Variants in IRAK2 observed in about 807,000 individuals in gnomAD.
IRAK2 encodes interleukin 1 receptor associated kinase 2.
In IRAK2, 57 loss-of-function variants were observed where a neutral mutation model predicts 72.0. The observed-to-expected ratio is 0.79, with a 90% CI of 0.64 to 0.99. The LOEUF (loss-of-function observed/expected upper bound fraction) is 0.99. Ranked by LOEUF, IRAK2 falls within the 50% of genes least tolerant of loss-of-function variation. IRAK2 has a pLI of 0.00. For missense variants in IRAK2, 790 were observed against 794.4 expected (o/e 0.99, Z 0.07); for synonymous variants, 293 against 312.7 (o/e 0.94, Z 0.67).
chr3:10,195,984 C>A (rs1697257378), intron 2 of IRAK2, among the ~76,000 whole-genome samples: 1 of 152,170 alleles, frequency 6.6e-6, no homozygotes, highest in Admixed American at 6.5e-5. Context: ...GGGGGGTAGC[C>A]TTCCAAGGGA....
At chr3:10,240,102 G>A (rs1245469132) in intron 12 of IRAK2, among the ~76,000 whole-genome samples, 6 of 146,260 alleles carry the variant, frequency 4.1e-5, no homozygotes, top group Non-Finnish European at 5.9e-5. Flanking sequence ...AGCCGAGGTC[G>A]TGCCATTTCA....
intron 1 of IRAK2, among the ~76,000 whole-genome samples, chr3:10,171,947 G>A (rs1485806773): frequency 6.6e-6 from 1 of 151,518 alleles, no homozygotes; most frequent in Non-Finnish European, 1.5e-5. Context: ...TGCATTTTCA[G>A]TAGAGATGGG....
chr3:10,219,546 C>G, intron 7 of IRAK2, 134 bp from the exon 8 acceptor site: 1 of 647,284 alleles, frequency 1.5e-6, no homozygotes. Flanking sequence ...TCTCGATCTC[C>G]TGAACTAGTG....
intron 8 of IRAK2, among the ~76,000 whole-genome samples, 196 bp downstream of exon 8, chr3:10,219,985 C>T (rs1333369856): frequency 6.6e-6 from 1 of 152,170 alleles, no homozygotes; most frequent in Non-Finnish European, 1.5e-5. Flanking sequence ...GGGCTGTGCT[C>T]CAAGTCCAAT....
chr3:10,165,780 G>A (rs1049031677), intron 1 of IRAK2, among the ~76,000 whole-genome samples: 5 of 146,584 alleles, frequency 3.4e-5, no homozygotes, highest in Non-Finnish European at 7.4e-5. Context: ...GCCCAGGCTG[G>A]AGTGCAGTGG....
rs1242696088 is a variant in IRAK2, at chr3:10,213,349, T to A, written c.671T>A (p.Val224Asp). 1.9e-6 allele frequency: 3 copies of A among 1,613,920 alleles called. No individual in the cohort carries two copies. Among genetic ancestry groups the A allele is most frequent in the Non-Finnish European group, 2.5e-6 (3 of 1,180,034 alleles). The change falls in exon 5 of 13, where the codon GTC (valine) becomes GAC (aspartate). Residue 224 changes from valine to aspartate, a missense_variant. Physicochemically the swap from Val to Asp is radical, Grantham distance 152. Coordinates refer to ENST00000256458, the MANE Select transcript of IRAK2 (RefSeq NM_001570.4). ...RKISQGTFADVYRGHRHGKPF... is the reference protein window; with the variant it reads ...RKISQGTFADDYRGHRHGKPF... The stretch of plus-strand genomic sequence containing the variant: ...ATCAGCCAGGGGACCTTTGCTGACG[T>A]CTACAGAGGGCACAGGCACGGGAAG...
At chr3:10,240,558 C>CCTT (rs1274154130) in intron 12 of IRAK2, among the ~76,000 whole-genome samples, 1 of 18,066 alleles carries the variant, frequency 5.5e-5, no homozygotes. Flanking sequence ...CCCCCCCCGC[C>CCTT]TTTTTTTTTT....
At position 10,243,573 on chromosome 3, in the gene IRAK2, G is replaced by A. The variant is rs963926053; in HGVS notation, c.*1345G>A. The A allele has an allele frequency of 7.2e-5, 11 of 152,622 alleles. No homozygotes were observed. The highest frequency in any genetic ancestry group is 2.4e-4 in the African/African-American group (10 of 41,448). The allele number at this position is 152,622 out of a possible 1,614,324, so 9.5% of individuals were successfully genotyped here. A position where few individuals can be genotyped will look rare whatever the true frequency, so the allele number is the denominator to read the frequency against. ...TTTGTAAAATAAAAAGGTATTAAAT[G>A]TGTATTTCTGCCATGTACCTAATGA... On this transcript the variant is annotated 3_prime_UTR_variant, in exon 13 of 13. Transcript: ENST00000256458.
At chr3:10,204,073 G>A (rs116319766) in intron 3 of IRAK2, among the ~76,000 whole-genome samples, 2,033 of 152,350 alleles carry the variant, frequency 0.013, 45 homozygotes, top group African/African-American at 0.046. Flanking sequence ...TGGGCTATCA[G>A]TCAGAATCTG....
In IRAK2 at chr3:10,242,471, T is replaced by C; in HGVS notation, c.*243T>C. ...GGGCTTTGTTAGTCAGAGCAGGGGA[T>C]CAGAGGAGACTGAAGCAGAAACCCT... On this transcript the variant is annotated 3_prime_UTR_variant, in exon 13 of 13. Coordinates refer to ENST00000256458, the MANE Select transcript of IRAK2 (RefSeq NM_001570.4). 1 of 281,758 alleles carries C rather than the reference T, an allele frequency of 3.5e-6. No homozygotes were observed. Among genetic ancestry groups the C allele is most frequent in the Non-Finnish European group, 6.7e-6 (1 of 150,076 alleles). 17.5% of individuals were successfully genotyped at this position (281,758 alleles called of 1,614,324 possible).
At chr3:10,235,801 T>G (rs901190996) in intron 11 of IRAK2, among the ~76,000 whole-genome samples, 4 of 152,160 alleles carry the variant, frequency 2.6e-5, no homozygotes, top group African/African-American at 9.7e-5. Flanking sequence ...CCACAGAACT[T>G]GTTTTTGTCA....
intron 3 of IRAK2, among the ~76,000 whole-genome samples, chr3:10,206,078 A>G (rs1390122738): frequency 6.6e-6 from 1 of 152,190 alleles, no homozygotes; most frequent in Non-Finnish European, 1.5e-5. Context: ...CATTAGGACA[A>G]ATACTTGCAA....
At position 10,184,981 on chromosome 3, in the gene IRAK2, T is replaced by C. The variant is rs536067728; in HGVS notation, c.277+6961T>C. Among the ~76,000 whole-genome samples, 4 of 150,942 alleles carry C rather than the reference T, an allele frequency of 2.7e-5. No individual in the cohort carries two copies. In the East Asian group the frequency reaches 6.0e-4, roughly 23 times the overall value. ...CTCCTGACCTCGTGATCCGCCCGCC[T>C]TGGCCTCCCAAAGTGCTGGGATTAC... On this transcript the variant is annotated intron_variant, in intron 2 of 12. Transcript: ENST00000256458.
At position 10,166,705 on chromosome 3, in the gene IRAK2, C is replaced by T. The variant is rs568037617; in HGVS notation, c.94+1657C>T. ...TGTGGCCCAGGCTGGAATGCAGTGGCGAGATCTCGGCTCACTGCAGCTTCC... is the reference window on the plus strand; with the variant it reads ...TGTGGCCCAGGCTGGAATGCAGTGGTGAGATCTCGGCTCACTGCAGCTTCC... On this transcript the variant is annotated intron_variant, in intron 1 of 12. Coordinates refer to ENST00000256458, the MANE Select transcript of IRAK2 (RefSeq NM_001570.4). Among the ~76,000 whole-genome samples, 24 of 152,154 alleles carry T rather than the reference C, an allele frequency of 1.6e-4. No homozygotes were observed. In the South Asian group the frequency reaches 2.3e-3, roughly 14 times the overall value.
intron 2 of IRAK2, among the ~76,000 whole-genome samples, chr3:10,198,702 A>G (rs1697309827): frequency 6.6e-6 from 1 of 152,182 alleles, no homozygotes; most frequent in African/African-American, 2.4e-5. Context: ...CTTGGGTTTG[A>G]AAAGTGAGGT....
rs753536805 is a variant in IRAK2 at position 10,242,243 on chromosome 3, C to T, written c.*15C>T. 4.8e-6 allele frequency: 7 copies of T among 1,455,404 alleles called. No homozygotes were observed. In the African/African-American group the frequency reaches 9.8e-5, roughly 20 times the overall value. The allele number at this position is 1,455,404 out of a possible 1,614,324, so 90.2% of individuals were successfully genotyped here. A position where few individuals can be genotyped will look rare whatever the true frequency, so the allele number is the denominator to read the frequency against. ...TTGGCCCCTGATGACCGGAACACAG[C>T]TGAGGACCCTTGTCCTCAGTTGGAA... On this transcript the variant is annotated 3_prime_UTR_variant, in exon 13 of 13. Coordinates refer to ENST00000256458, the MANE Select transcript of IRAK2 (RefSeq NM_001570.4).
At chr3:10,202,723 G>T (rs1290311497) in intron 3 of IRAK2, among the ~76,000 whole-genome samples, 3 of 110,850 alleles carry the variant, frequency 2.7e-5, no homozygotes, top group Non-Finnish European at 5.2e-5. Flanking sequence ...GATAGGCCTT[G>T]CTCTGTTGCC....
intron 3 of IRAK2, among the ~76,000 whole-genome samples, chr3:10,209,063 C>T (rs968918503): frequency 6.6e-6 from 1 of 152,106 alleles, no homozygotes; most frequent in Non-Finnish European, 1.5e-5. Context: ...TCAGGTGCCA[C>T]TTCCTCTGTG....
rs139476001 is a variant in IRAK2, at chr3:10,219,710, C to G, written c.934C>G (p.Arg312Gly). ...GGSDPLPWPQ[R>G]VSICSGLLCA... ...CTCGGACCCCCTCCCCTGGCCCCAG[C>G]GTGTCAGCATCTGCTCAGGGCTGCT... is the stretch of plus-strand genomic sequence containing the variant. The change falls in exon 8 of 13, where the codon CGT (arginine) becomes GGT (glycine). Residue 312 changes from arginine to glycine, a missense_variant. Arg to Gly is a moderately radical substitution (Grantham distance 125). Coordinates refer to ENST00000256458, the MANE Select transcript of IRAK2 (RefSeq NM_001570.4). The G allele has an allele frequency of 1.7e-4, 282 of 1,613,352 alleles. 2 individuals carry two copies. The African/African-American group carries it at 3.5e-3, about 20-fold the overall frequency.
Sources: allele counts gnomAD v4.1 joint callset (sites outside exome capture counted in the v4.1 genomes callset), GRCh38; gene constraint gnomAD v4.1.1; transcripts MANE v1.5; gene names NCBI Gene and HGNC (gene_info 2026-07-23, HGNC 2026-07-21).